The following SOX30 variants were observed in gnomAD, a reference collection of about 807,000 sequenced individuals.
The protein encoded by SOX30 is SRY-box transcription factor 30.
Under a neutral mutation model 58.6 loss-of-function variants are expected in SOX30, and 17 were observed. The ratio of observed to expected loss-of-function variants is 0.29; its 90% CI spans 0.20 to 0.44. SOX30 has a LOEUF of 0.44. Among genes scored for constraint, SOX30 ranks in the 20% least tolerant of loss-of-function variants. The pLI, the probability that SOX30 is intolerant of heterozygous loss-of-function variation, is 1.00. For synonymous variants in SOX30, 421 were observed against 400.2 expected (o/e 1.05, Z -0.62); for missense variants, 951 against 965.8 (o/e 0.98, Z 0.20).
chr5:157,653,544 G>C (rs1285020631), upstream of SOX30, among the ~76,000 whole-genome samples: 1 of 152,172 alleles, frequency 6.6e-6, no homozygotes. Flanking sequence ...TCTTATGCTA[G>C]ACACTGTTCC....
At position 157,651,290 on chromosome 5, in the gene SOX30, C is replaced by T. The variant is rs746434027; in HGVS notation, c.789G>A (p.Thr263=). Residue 263 remains threonine, a synonymous_variant, in exon 1 of 5, where the codon ACG becomes ACA. Transcript: ENST00000265007. ...GGGCCCCAGGGGGGACCGTGTGGAG[C>T]GTCAAAGGGATCCTAAGGTCTTGCT... is the stretch of plus-strand genomic sequence containing the variant. ...PHQQDLRIPL[T]LHTVPPGARI... 7 of 1,614,120 alleles carry T rather than the reference C, an allele frequency of 4.3e-6. No individual in the cohort carries two copies. Among genetic ancestry groups the T allele is most frequent in the Non-Finnish European group, 5.9e-6 (7 of 1,180,040 alleles).
At chr5:157,641,917 T>C (rs1479359890) in intron 3 of SOX30, among the ~76,000 whole-genome samples, 1 of 152,180 alleles carries the variant, frequency 6.6e-6, no homozygotes, top group African/African-American at 2.4e-5. Context: ...ATTTCGAATA[T>C]ATTTACTGAA....
At chr5:157,644,936 G>A (rs1759152022) in intron 3 of SOX30, among the ~76,000 whole-genome samples, 4 of 152,142 alleles carry the variant, frequency 2.6e-5, no homozygotes, top group Non-Finnish European at 4.4e-5. Flanking sequence ...AGCCGAGATC[G>A]CGCCACTACA....
Position 157,652,224 on chromosome 5 carries a change from A to G in SOX30, c.-146T>C. On this transcript the variant is annotated 5_prime_UTR_variant, in exon 1 of 5. Transcript: ENST00000265007. ...AAACGCAGCTGTCTGTCTGGGCCTCACCCAATCACAACGACCGATACCCGT... is the reference window on the plus strand; with the variant it reads ...AAACGCAGCTGTCTGTCTGGGCCTCGCCCAATCACAACGACCGATACCCGT... The G allele has an allele frequency of 7.8e-7, 1 of 1,282,748 alleles. No individual in the cohort carries two copies. Among genetic ancestry groups the G allele is most frequent in the South Asian group, 3.0e-5 (1 of 33,618 alleles). The allele number at this position is 1,282,748 out of a possible 1,614,324, so 79.5% of individuals were successfully genotyped here. A position where few individuals can be genotyped will look rare whatever the true frequency, so the allele number is the denominator to read the frequency against.
In SOX30 at chr5:157,651,774, T is replaced by A. The variant is rs1277569342; in HGVS notation, c.305A>T (p.Gln102Leu). 8 of 1,562,588 alleles carry A rather than the reference T, an allele frequency of 5.1e-6. No homozygotes were observed. The highest frequency in any genetic ancestry group is 1.9e-5 in the Admixed American group (1 of 53,062). ...AASSAQARLL[Q>L]FRPDLRLLQP... ...CAGGAGCCGCAGGTCGGGCCTGAAC[T>A]GCAACAGCCGCGCCTGCGCGGACGA... is the stretch of plus-strand genomic sequence containing the variant. The change falls in exon 1 of 5, where the codon CAG becomes CTG. Residue 102 changes from glutamine to leucine, a missense_variant. Gln to Leu is a moderately radical substitution (Grantham distance 113). Transcript: ENST00000265007.
At chr5:157,636,169 T>A (rs1029050659) in intron 4 of SOX30, among the ~76,000 whole-genome samples, 1 of 152,332 alleles carries the variant, frequency 6.6e-6, no homozygotes, top group Admixed American at 6.5e-5. Context: ...GAGACTGTGG[T>A]ACACAGCCCA....
intron 2 of SOX30, among the ~76,000 whole-genome samples, chr5:157,667,097 T>C (rs557457913): frequency 1.9e-4 from 29 of 152,118 alleles, no homozygotes; most frequent in Non-Finnish European, 4.1e-4. Context: ...CTGGGATGGA[T>C]AGGCCATTAG....
chr5:157,641,596 G>A (rs1223459113), intron 3 of SOX30, among the ~76,000 whole-genome samples: 1 of 152,150 alleles, frequency 6.6e-6, no homozygotes, highest in Non-Finnish European at 1.5e-5. Context: ...CTGGGTGACA[G>A]AGCAAGACTC....
At chr5:157,647,032 T>C (rs1484273507) in intron 2 of SOX30, among the ~76,000 whole-genome samples, 1 of 151,888 alleles carries the variant, frequency 6.6e-6, no homozygotes, top group African/African-American at 2.4e-5. Flanking sequence ...GCCAATGTTA[T>C]AACTCATCAT....
chr5:157,634,157 G>A (rs55941697), intron 4 of SOX30, among the ~76,000 whole-genome samples: 1 of 152,168 alleles, frequency 6.6e-6, no homozygotes, highest in African/African-American at 2.4e-5. Flanking sequence ...AAACCACCTA[G>A]CCTACTTGAT....
chr5:157,638,850 A>C, intron 3 of SOX30, 128 bp from the exon 4 acceptor site: 1 of 800,340 alleles, frequency 1.2e-6, no homozygotes, highest in Admixed American at 2.8e-5. Context: ...CTGCATCATC[A>C]TATCAAACCA....
rs1561578515 is a variant in SOX30, at chr5:157,631,057, A to ATACAATATATATATTT, written c.1881-4337_1881-4336insAAATATATATATTGTA. 3.9e-3 allele frequency among the ~76,000 whole-genome samples: 191 copies of ATACAATATATATATTT among 48,518 alleles called. 1 individual carries two copies. Among genetic ancestry groups the ATACAATATATATATTT allele is most frequent in the African/African-American group, 0.012 (172 of 14,830 alleles). 31.8% of individuals were successfully genotyped at this position (48,518 alleles called of 152,430 possible). A position where few individuals can be genotyped will look rare whatever the true frequency, so the allele number is the denominator to read the frequency against. On this transcript the variant is annotated intron_variant, in intron 4 of 4. Transcript: ENST00000265007. ...TACAATATATATATTTTATATATATATATATATATATACACACAATATATG... is the reference window on the plus strand; with the variant it reads ...TACAATATATATATTTTATATATATATACAATATATATATTTTATATATATATACACACAATATATG...
chr5:157,651,771 A>G lies in SOX30; in HGVS notation c.308T>C (p.Phe103Ser), dbSNP rs561302915. 2 of 1,561,616 alleles carry G rather than the reference A, an allele frequency of 1.3e-6. No individual in the cohort carries two copies. Among genetic ancestry groups the G allele is most frequent in the East Asian group, 4.7e-5 (2 of 42,108 alleles). ...ASSAQARLLQ[F>S]RPDLRLLQPP... ...CTGCAGGAGCCGCAGGTCGGGCCTG[A>G]ACTGCAACAGCCGCGCCTGCGCGGA... The change falls in exon 1 of 5, where the codon TTC (phenylalanine) becomes TCC (serine). Residue 103 changes from phenylalanine to serine, a missense_variant. Around this residue, in one of 7 missense-constraint regions of SOX30, gnomAD observed 363 missense variants for 294.5 expected, o/e 1.23. Transcript: ENST00000265007.
rs1329194877 is a variant in SOX30 at position 157,645,795 on chromosome 5, C to T, written c.1387+842G>A. ...CAGCAGTTTGGGAGGCCGGGGCGGG[C>T]AGATCATCTGAGGTCGGGAGTTCCA... On this transcript the variant is annotated intron_variant, in intron 3 of 4. Transcript: ENST00000265007. Among the ~76,000 whole-genome samples the T allele has an allele frequency of 2.0e-5, 3 of 152,094 alleles. No homozygotes were observed. The East Asian group carries it at 5.8e-4, about 29-fold the overall frequency.
intron 3 of SOX30, among the ~76,000 whole-genome samples, chr5:157,639,745 TAC>T (rs1380173409): frequency 1.3e-5 from 2 of 152,208 alleles, no homozygotes; most frequent in African/African-American, 4.8e-5. Context: ...CGTATTGCAA[TAC>T]AGTTTCGAAT....
At chr5:157,654,081 G>A (rs753729587), upstream of SOX30, among the ~76,000 whole-genome samples, 31 of 151,592 alleles carry the variant, frequency 2.0e-4, no homozygotes, top group Non-Finnish European at 3.2e-4. Context: ...CAGGAGAATC[G>A]CTTGAACCTG....
chr5:157,657,501 A>G (rs1332655847), intron 2 of SOX30, among the ~76,000 whole-genome samples: 2 of 152,216 alleles, frequency 1.3e-5, no homozygotes, highest in Non-Finnish European at 2.9e-5. Context: ...AAATAAAGGA[A>G]AACACTTTCA....
At chr5:157,636,524 C>A (rs1758930266) in intron 4 of SOX30, among the ~76,000 whole-genome samples, 1 of 152,114 alleles carries the variant, frequency 6.6e-6, no homozygotes, top group South Asian at 2.1e-4. Context: ...ATTAAGGCTG[C>A]AAAAGATAAA....
intron 3 of SOX30, among the ~76,000 whole-genome samples, chr5:157,641,681 A>G (rs2113841612): frequency 6.6e-6 from 1 of 152,324 alleles, no homozygotes; most frequent in African/African-American, 2.4e-5. Flanking sequence ...AGTTATATTT[A>G]TATCTATACT....
Sources: allele counts gnomAD v4.1 joint callset (sites outside exome capture counted in the v4.1 genomes callset), GRCh38; gene constraint gnomAD v4.1.1; regional missense constraint gnomAD v4.1.1; transcripts MANE v1.5; gene names NCBI Gene and HGNC (gene_info 2026-07-23, HGNC 2026-07-21).